The following SUGP1 variants were observed in gnomAD, a reference collection of about 807,000 sequenced individuals.
SUGP1 encodes the protein SURP and G-patch domain-containing protein 1.
SUGP1 carries 34 observed loss-of-function variants against 76.5 expected under a neutral mutation model. The ratio of observed to expected loss-of-function variants is 0.44; its 90% CI spans 0.34 to 0.59. The LOEUF (loss-of-function observed/expected upper bound fraction) is 0.59, where lower values mean the gene tolerates loss of function less well. SUGP1 is among the 20% of genes least tolerant of loss of function. The probability of loss-of-function intolerance (pLI) is 0.01; values close to 1 mark genes in which losing one functional copy is unlikely to be tolerated. For missense variants in SUGP1, 752 were observed against 851.7 expected, an observed-to-expected ratio of 0.88 and a Z score of 1.46; for synonymous variants, 326 against 326.2, an observed-to-expected ratio of 1.00 and a Z score of 0.01.
chr19:19,277,254 G>GGT (rs1217397718), intron 12 of SUGP1, among the ~76,000 whole-genome samples, 178 bp from the exon 13 acceptor site: 2 of 150,504 alleles, frequency 1.3e-5, no homozygotes, highest in Non-Finnish European at 3.0e-5. Context: ...GGGCGGGCGG[G>GGT]GGGGGGGGGC....
At chr19:19,311,313 T>C (rs1050928649) in intron 2 of SUGP1, among the ~76,000 whole-genome samples, 3 of 150,814 alleles carry the variant, frequency 2.0e-5, no homozygotes, top group African/African-American at 7.3e-5. Flanking sequence ...GTTAAAAACA[T>C]ATTTTTTAAA....
At chr19:19,289,792 T>C (rs1466588645) in intron 8 of SUGP1, among the ~76,000 whole-genome samples, 1 of 151,824 alleles carries the variant, frequency 6.6e-6, no homozygotes, top group Non-Finnish European at 1.5e-5. Flanking sequence ...CAAAAAAGAA[T>C]GAATGAAGAA....
chr19:19,286,553 G>T (rs907665160), intron 8 of SUGP1, among the ~76,000 whole-genome samples: 1 of 152,146 alleles, frequency 6.6e-6, no homozygotes, highest in Non-Finnish European at 1.5e-5. Flanking sequence ...CGGGTAGAGG[G>T]TAAGGGATTT....
At chr19:19,294,682 C>T (rs1445177912) in intron 8 of SUGP1, among the ~76,000 whole-genome samples, 2 of 151,828 alleles carry the variant, frequency 1.3e-5, no homozygotes, top group African/African-American at 4.8e-5. Context: ...ATACATTTGA[C>T]TTCATTAAAA....
chr19:19,296,836 G>A (rs1162438404), intron 8 of SUGP1, among the ~76,000 whole-genome samples, 153 bp downstream of exon 8: 1 of 152,158 alleles, frequency 6.6e-6, no homozygotes, highest in Non-Finnish European at 1.5e-5. Context: ...GAGTGGGTAA[G>A]CCAAATGTGG....
At chr19:19,314,515 A>G (rs1027254101) in intron 2 of SUGP1, among the ~76,000 whole-genome samples, 8 of 152,170 alleles carry the variant, frequency 5.3e-5, no homozygotes, top group African/African-American at 1.9e-4. Context: ...GAGTAGAAGT[A>G]ATTTTATATG....
At chr19:19,294,905 TGAGA>T (rs1403386542) in intron 8 of SUGP1, among the ~76,000 whole-genome samples, 1 of 151,888 alleles carries the variant, frequency 6.6e-6, no homozygotes, top group African/African-American at 2.4e-5. Flanking sequence ...ACCCATAGAA[TGAGA>T]GAAAGTATTT....
chr19:19,305,608 T>C (rs2061310111), intron 4 of SUGP1: 3 of 434,088 alleles, frequency 6.9e-6, no homozygotes, highest in Admixed American at 4.0e-5. Context: ...GAGTGGAAGA[T>C]GGATCCCGCT....
intron 7 of SUGP1, among the ~76,000 whole-genome samples, chr19:19,299,980 G>A (rs903578886): frequency 3.3e-5 from 5 of 151,860 alleles, no homozygotes; most frequent in Non-Finnish European, 5.9e-5. Context: ...GTTTCTCCAC[G>A]TTGGTCAGGC....
intron 7 of SUGP1, among the ~76,000 whole-genome samples, chr19:19,297,962 G>A (rs1336935762): frequency 2.6e-5 from 4 of 152,292 alleles, no homozygotes; most frequent in Middle Eastern, 3.4e-3. Flanking sequence ...GGCGCCTCTC[G>A]GACCGTACAC....
chr19:19,277,966 G>A (rs2061066993), intron 11 of SUGP1, 87 bp from the exon 12 acceptor site: 4 of 1,529,448 alleles, frequency 2.6e-6, no homozygotes, highest in East Asian at 4.5e-5. Flanking sequence ...GTTTCAATCA[G>A]TGCTGGGACC....
intron 2 of SUGP1, among the ~76,000 whole-genome samples, chr19:19,315,401 C>A (rs551598321): frequency 6.6e-6 from 1 of 152,184 alleles, no homozygotes; most frequent in South Asian, 2.1e-4. Context: ...ACACTCCAGA[C>A]CCCAGAGGAA....
intron 8 of SUGP1, among the ~76,000 whole-genome samples, chr19:19,292,749 G>A (rs938870637): frequency 1.3e-5 from 2 of 152,046 alleles, no homozygotes; most frequent in African/African-American, 4.8e-5. Context: ...TAAAATACTA[G>A]GAAACCAAAT....
chr19:19,278,650 C>A (rs1357096672), intron 11 of SUGP1, 40 bp downstream of exon 11: 1 of 1,556,142 alleles, frequency 6.4e-7, no homozygotes, highest in African/African-American at 1.4e-5. Context: ...GAGGGGCTGG[C>A]ATGTGGCAGA....
chr19:19,305,345 C>A (rs926014763), intron 4 of SUGP1, among the ~76,000 whole-genome samples: 16 of 152,162 alleles, frequency 1.1e-4, no homozygotes, highest in Admixed American at 8.5e-4. Flanking sequence ...ACTGGGCGGT[C>A]TGGACAAGCT....
chr19:19,320,097 G>A (rs2061430136), intron 1 of SUGP1, among the ~76,000 whole-genome samples: 1 of 152,214 alleles, frequency 6.6e-6, no homozygotes, highest in African/African-American at 2.4e-5. Flanking sequence ...TCCAGAAAGC[G>A]GGACACAGGC....
chr19:19,308,370 T>C (rs1316844724), intron 3 of SUGP1, among the ~76,000 whole-genome samples: 1 of 152,130 alleles, frequency 6.6e-6, no homozygotes, highest in Non-Finnish European at 1.5e-5. Flanking sequence ...GAATACGACG[T>C]GTGTTATCAG....
Position 19,303,413 on chromosome 19 carries a change from T to G in SUGP1, c.698A>C (p.Tyr233Ser). ...LHDKNSREFL[Y>S]YRKKVAEIRK... ...TATCTCAGCCACCTTCTTCCTGTAG[T>G]AGAGGAATTCCCTGCTATTCTTATC... is the stretch of plus-strand genomic sequence containing the variant. Residue 233 changes from tyrosine (Y) to serine (S), a missense_variant, in exon 6 of 14, where the codon TAC (tyrosine) becomes TCC (serine). Transcript: ENST00000247001. The G allele has an allele frequency of 6.2e-7, 1 of 1,614,094 alleles. No individual in the cohort carries two copies. Among genetic ancestry groups the G allele is most frequent in the Middle Eastern group, 1.6e-4 (1 of 6,062 alleles).
chr19:19,279,005 G>A (rs1235076699), intron 10 of SUGP1, among the ~76,000 whole-genome samples: 1 of 152,162 alleles, frequency 6.6e-6, no homozygotes, highest in Non-Finnish European at 1.5e-5. Context: ...CCCTCACGAT[G>A]TCAGGACTGC....
Sources: allele counts gnomAD v4.1 joint callset (sites outside exome capture counted in the v4.1 genomes callset), GRCh38; gene constraint gnomAD v4.1.1; transcripts MANE v1.5; gene names NCBI Gene and HGNC (gene_info 2026-07-23, HGNC 2026-07-21).